Variants in CABLES1 observed in about 807,000 individuals in gnomAD.
The protein encoded by CABLES1 is Cdk5 and Abl enzyme substrate 1, also known as CDK5 and ABL1 enzyme substrate 1.
Under a neutral mutation model 57.8 loss-of-function variants are expected in CABLES1, and 36 were observed. That is an observed-to-expected ratio of 0.62 (90% CI 0.48 to 0.82). The LOEUF (loss-of-function observed/expected upper bound fraction) is 0.82. Ranked by LOEUF, CABLES1 falls within the 40% of genes least tolerant of loss-of-function variation. The pLI is 0.00. For missense variants in CABLES1, 767 were observed against 836.6 expected (o/e 0.92, Z 1.03); for synonymous variants, 374 against 363.0 (o/e 1.03, Z -0.35).
intron 7 of CABLES1, among the ~76,000 whole-genome samples, chr18:23,248,512 CTTTTT>C (rs59555750): frequency 3.9e-4 from 35 of 90,724 alleles, no homozygotes; most frequent in African/African-American, 5.6e-4. Context: ...GACCCTATGT[CTTTTT>C]TTTTTTTTTT....
In CABLES1 at chr18:23,154,428, T is replaced by C. The variant is rs570030326; in HGVS notation, c.845+17821T>C. ...GATCATCTACCGAGCCATAGGGAAA[T>C]TGCACATCCCACATCTGCCGATTCC... On this transcript the variant is annotated intron_variant, in intron 1 of 9. Coordinates refer to ENST00000256925, the MANE Select transcript of CABLES1 (RefSeq NM_001100619.3). Among the ~76,000 whole-genome samples, 12 of 152,290 alleles carry C rather than the reference T, an allele frequency of 7.9e-5. No individual in the cohort carries two copies. The East Asian group carries it at 1.4e-3, about 17-fold the overall frequency.
At chr18:23,184,702 C>T (rs1045016512) in intron 1 of CABLES1, among the ~76,000 whole-genome samples, 10 of 151,806 alleles carry the variant, frequency 6.6e-5, no homozygotes, top group Non-Finnish European at 1.5e-4. Context: ...GACTCTGTCT[C>T]AGAAAAAAAT....
chr18:23,153,474 C>T (rs2046945968), intron 1 of CABLES1, among the ~76,000 whole-genome samples: 2 of 152,188 alleles, frequency 1.3e-5, no homozygotes, highest in South Asian at 4.1e-4. Context: ...TGGCTCATGC[C>T]TGTAATCCCG....
At chr18:23,222,400 A>G (rs1373621797) in intron 4 of CABLES1, among the ~76,000 whole-genome samples, 6 of 151,994 alleles carry the variant, frequency 3.9e-5, no homozygotes, top group Admixed American at 3.9e-4. Context: ...TCCTCAAGGT[A>G]TCTGCAGCAC....
In CABLES1 at chr18:23,258,160, G is replaced by A. The variant is rs547194098; in HGVS notation, c.*793G>A. On this transcript the variant is annotated 3_prime_UTR_variant, in exon 10 of 10. Coordinates refer to ENST00000256925, the MANE Select transcript of CABLES1 (RefSeq NM_001100619.3). Reference sequence around the variant, plus strand: ...AGTCAGTCGCGTGGAAGGACGTGGAGCGTGGCGCTCTGTAACTTCCTGCCG... The same window carrying A: ...AGTCAGTCGCGTGGAAGGACGTGGAACGTGGCGCTCTGTAACTTCCTGCCG... The A allele has an allele frequency of 6.6e-6, 1 of 152,568 alleles. No individual in the cohort carries two copies. Among genetic ancestry groups the A allele is most frequent in the East Asian group, 1.9e-4 (1 of 5,186 alleles). The allele number at this position is 152,568 out of a possible 1,614,324, so 9.5% of individuals were successfully genotyped here.
intron 4 of CABLES1, 146 bp downstream of exon 4, chr18:23,214,200 G>T: frequency 1.7e-6 from 1 of 581,944 alleles, no homozygotes; most frequent in Non-Finnish European, 3.0e-6. Context: ...ATGATAAAAA[G>T]ATGTTCCACT....
Position 23,186,152 on chromosome 18 carries a change from C to T in CABLES1, c.846-2686C>T, listed in dbSNP as rs141185573. On this transcript the variant is annotated intron_variant, in intron 1 of 9. Transcript: ENST00000256925. ...CAGGCACAAGGCATTTTGGGGTGAC[C>T]CTGCCACTGGCAAGGCCTTGAGTGG... Among the ~76,000 whole-genome samples, 803 of 152,286 alleles carry T rather than the reference C, an allele frequency of 5.3e-3. 8 individuals carry two copies. The highest frequency in any genetic ancestry group is 0.022 in the South Asian group (105 of 4,824).
At chr18:23,197,922 G>A (rs139649620) in intron 3 of CABLES1, 22 of 152,320 alleles carry the variant, frequency 1.4e-4, no homozygotes, top group East Asian at 1.2e-3. Flanking sequence ...GGTAATAGAT[G>A]CCTTGATTGT....
intron 2 of CABLES1, among the ~76,000 whole-genome samples, chr18:23,192,737 A>C (rs1215234816): frequency 6.6e-6 from 1 of 152,126 alleles, no homozygotes; most frequent in Non-Finnish European, 1.5e-5. Context: ...TGTTTCAAGA[A>C]CCTTCTTTGC....
intron 1 of CABLES1, among the ~76,000 whole-genome samples, chr18:23,136,874 A>G (rs1022850490): frequency 6.6e-6 from 1 of 152,248 alleles, no homozygotes; most frequent in Non-Finnish European, 1.5e-5. Flanking sequence ...TGGGAGTTGC[A>G]GGAGCCCAGT....
intron 1 of CABLES1, among the ~76,000 whole-genome samples, chr18:23,163,841 C>A (rs1270946804): frequency 6.6e-6 from 1 of 152,144 alleles, no homozygotes; most frequent in Non-Finnish European, 1.5e-5. Context: ...TCCCAAATAG[C>A]TTTTGCTGTG....
At chr18:23,203,428 C>G (rs1397321088) in intron 3 of CABLES1, among the ~76,000 whole-genome samples, 2 of 150,502 alleles carry the variant, frequency 1.3e-5, no homozygotes, top group Admixed American at 6.6e-5. Flanking sequence ...AGAGTGTTTT[C>G]TCTTTAAAGT....
chr18:23,163,196 A>AG (rs1446724725), intron 1 of CABLES1, among the ~76,000 whole-genome samples: 1 of 151,800 alleles, frequency 6.6e-6, no homozygotes, highest in Non-Finnish European at 1.5e-5. Flanking sequence ...CTTAATATGG[A>AG]GGAGGAGGAG....
At chr18:23,157,184 G>T (rs2046971535) in intron 1 of CABLES1, among the ~76,000 whole-genome samples, 1 of 152,202 alleles carries the variant, frequency 6.6e-6, no homozygotes, top group African/African-American at 2.4e-5. Context: ...GAGCGTGGGA[G>T]TTGGAGACCA....
chr18:23,197,982 G>T (rs149980720), intron 3 of CABLES1: 3 of 152,294 alleles, frequency 2.0e-5, no homozygotes, highest in African/African-American at 7.2e-5. Context: ...TTTGGACCAG[G>T]CATGGTGGCT....
At chr18:23,157,870 G>A (rs2046976062) in intron 1 of CABLES1, among the ~76,000 whole-genome samples, 1 of 152,034 alleles carries the variant, frequency 6.6e-6, no homozygotes, top group Non-Finnish European at 1.5e-5. Context: ...GATTTGGAGT[G>A]TAAATCCTGG....
intron 2 of CABLES1, chr18:23,189,218 A>G (rs1454611885): frequency 1.9e-5 from 6 of 308,626 alleles, no homozygotes. Context: ...GTCCCGGCCT[A>G]TCCCCCAGGT....
intron 4 of CABLES1, among the ~76,000 whole-genome samples, chr18:23,215,823 G>C (rs990924770): frequency 2.0e-5 from 3 of 150,864 alleles, no homozygotes; most frequent in East Asian, 3.9e-4. Flanking sequence ...GTGCGATCTC[G>C]GCTCACTGCA....
chr18:23,240,789 C>G (rs985730518), intron 7 of CABLES1, among the ~76,000 whole-genome samples: 1 of 152,240 alleles, frequency 6.6e-6, no homozygotes, highest in Non-Finnish European at 1.5e-5. Flanking sequence ...ACTGTCCTCC[C>G]CTGTTTTGGG....
Sources: gnomAD v4.1 joint callset for allele counts (sites outside exome capture counted in the v4.1 genomes callset) on GRCh38, gnomAD v4.1.1 for gene constraint, MANE v1.5 for transcripts, NCBI Gene and HGNC (gene_info 2026-07-23, HGNC 2026-07-21) for gene names.